The following HDAC6 variants were observed in gnomAD, a reference collection of about 807,000 sequenced individuals.
HDAC6 encodes the protein histone deacetylase 6.
Under a neutral mutation model 88.9 loss-of-function variants are expected in HDAC6, and 5 were observed. The ratio of observed to expected loss-of-function variants is 0.06; its 90% CI spans 0.03 to 0.12. HDAC6 has a LOEUF of 0.12. Among genes scored for constraint, HDAC6 ranks in the 10% least tolerant of loss-of-function variants. The pLI, the probability that HDAC6 is intolerant of heterozygous loss-of-function variation, is 1.00. For missense variants in HDAC6, 706 were observed against 1,014.4 expected (o/e 0.70, Z 4.13); for synonymous variants, 378 against 398.0 (o/e 0.95, Z 0.60).
At position 48,815,398 on chromosome X, in the gene HDAC6, C is replaced by T. The variant is rs2062967857; in HGVS notation, c.1164C>T (p.Leu388=). Residue 388 remains leucine, a synonymous_variant, in exon 15 of 29, where the codon CTC becomes CTT. Transcript: ENST00000334136. ...CCTTGCCCCAGGGTGGCTACAACCT[C>T]CGCGCCCTGGCTGAAGGCGTCAGTG... The part of the protein sequence containing the change: ...LILSLEGGYN[L]RALAEGVSAS... 8.3e-7 allele frequency: 1 copy of T among 1,201,143 alleles called. No homozygotes were observed. Among genetic ancestry groups the T allele is most frequent in the Non-Finnish European group, 1.1e-6 (1 of 889,605 alleles).
At chrX:48,821,602 G>T (rs782557076) in intron 23 of HDAC6, among the ~76,000 whole-genome samples, 10 of 103,173 alleles carry the variant, frequency 9.7e-5, no homozygotes, top group African/African-American at 3.6e-4. Flanking sequence ...TCCCAGGCTC[G>T]AGCAAGCAAT....
chrX:48,818,009 C>T (rs1476319760), intron 20 of HDAC6, 32 bp from the exon 21 acceptor site: 7 of 1,156,549 alleles, frequency 6.1e-6, no homozygotes, highest in Middle Eastern at 3.3e-4. Context: ...GCGTGAGTAT[C>T]GTCGGTTACT....
At position 48,822,615 on chromosome X, in the gene HDAC6, C is replaced by T; in HGVS notation, c.2338-5C>T. The T allele has an allele frequency of 8.6e-7, 1 of 1,157,242 alleles. No homozygotes were observed. The highest frequency in any genetic ancestry group is 1.2e-6 in the Non-Finnish European group (1 of 865,286). ...TACCTTTCCCTCCCCTTTTCCTTAACAAAGGGTGGCTATAACCTGACATCC... is the reference window on the plus strand; with the variant it reads ...TACCTTTCCCTCCCCTTTTCCTTAATAAAGGGTGGCTATAACCTGACATCC... On this transcript the variant is annotated splice_polypyrimidine_tract_variant and splice_region_variant and intron_variant, in intron 23 of 28. Coordinates refer to ENST00000334136, the MANE Select transcript of HDAC6 (RefSeq NM_006044.4).
At chrX:48,816,954 A>C (rs1347656178) in intron 19 of HDAC6, 1 of 110,474 alleles carries the variant, frequency 9.1e-6, no homozygotes, top group Non-Finnish European at 1.8e-5. Context: ...ACCCTGTGTC[A>C]AAAAAAAAAA....
At chrX:48,812,925 T>G (rs2062923577) in intron 10 of HDAC6, among the ~76,000 whole-genome samples, 1 of 111,489 alleles carries the variant, frequency 9.0e-6, no homozygotes, top group Admixed American at 9.5e-5. Context: ...TCTTTTTTTT[T>G]GAGACAGAGT....
intron 20 of HDAC6, 29 bp from the exon 21 acceptor site, chrX:48,818,012 C>CG: frequency 8.6e-7 from 1 of 1,164,315 alleles, no homozygotes; most frequent in Admixed American, 2.5e-5. Flanking sequence ...TGAGTATCGT[C>CG]GGTTACTGAG....
chrX:48,813,505 A>T (rs1375186194), intron 10 of HDAC6: 11 of 111,926 alleles, frequency 9.8e-5, no homozygotes, highest in African/African-American at 2.9e-4. Flanking sequence ...GCATTTCCCT[A>T]AAAAAGCTGC....
intron 23 of HDAC6, among the ~76,000 whole-genome samples, chrX:48,822,402 C>T (rs2063098173): frequency 8.9e-6 from 1 of 111,811 alleles, no homozygotes; most frequent in Non-Finnish European, 1.9e-5. Flanking sequence ...TGTTATCTTG[C>T]ACTTTACATC....
rs1287952149 is a variant in HDAC6, at chrX:48,815,651, T to C, written c.1324+9T>C. The C allele has an allele frequency of 1.3e-5, 15 of 1,196,748 alleles. No individual in the cohort carries two copies. Among genetic ancestry groups the C allele is most frequent in the Non-Finnish European group, 1.6e-5 (14 of 883,602 alleles). ...GGTTCTTGTGAGATCAAGTAGGAAG[T>C]GGGGTGTGGGCCTGGTGTGGGGTGG... is the stretch of plus-strand genomic sequence containing the variant. On this transcript the variant is annotated intron_variant, in intron 16 of 28. Coordinates refer to ENST00000334136, the MANE Select transcript of HDAC6 (RefSeq NM_006044.4).
rs2063113295 is a variant in HDAC6 at position 48,823,236 on chromosome X, C to G, written c.2837C>G (p.Ala946Gly). Residue 946 changes from alanine (A) to glycine (G), a missense_variant, in exon 25 of 29, where the codon GCC becomes GGC. Coordinates refer to ENST00000334136, the MANE Select transcript of HDAC6 (RefSeq NM_006044.4). ...ACCTCAGAGGAGGCTGTCGGGGGAG[C>G]CACTCCGGACCAGACCACCTCAGAG... ...QTTSEEAVGG[A>G]TPDQTTSEET... is the part of the protein sequence containing the mutation. The G allele has an allele frequency of 1.1e-5, 13 of 1,200,841 alleles. No homozygotes were observed. Among genetic ancestry groups the G allele is most frequent in the Non-Finnish European group, 1.5e-5 (13 of 889,901 alleles).
At chrX:48,801,425 G>A (rs1003095967), upstream of HDAC6, 1 of 117,146 alleles carries the variant, frequency 8.5e-6, no homozygotes, top group African/African-American at 3.2e-5. Context: ...GAAGTCGCGG[G>A]GAAAAGGTAA....
In HDAC6 at chrX:48,802,152, C is replaced by G; in HGVS notation, c.-31+10C>G. On this transcript the variant is annotated intron_variant, in intron 1 of 28. Transcript: ENST00000334136. ...TCTGGCGGAGTGGAAGGTACCGGTCCGGCCCGATAAGGGGTGGAGTTAAGT... is the reference window on the plus strand; with the variant it reads ...TCTGGCGGAGTGGAAGGTACCGGTCGGGCCCGATAAGGGGTGGAGTTAAGT... 1.1e-6 allele frequency: 1 copy of G among 880,379 alleles called. No individual in the cohort carries two copies. Among genetic ancestry groups the G allele is most frequent in the South Asian group, 2.7e-5 (1 of 36,669 alleles). The allele number at this position is 880,379 out of a possible 1,213,427, so 72.6% of individuals were successfully genotyped here.
intron 19 of HDAC6, chrX:48,816,840 G>A (rs1310297905): frequency 1.9e-5 from 8 of 415,001 alleles, no homozygotes; most frequent in Non-Finnish European, 3.3e-5. Flanking sequence ...AGTGGCTCAC[G>A]TCTGTAATCC....
In HDAC6 at chrX:48,823,237, C is replaced by T. The variant is rs1557030817; in HGVS notation, c.2838C>T (p.Ala946=). 2 of 1,200,726 alleles carry T rather than the reference C, an allele frequency of 1.7e-6. No individual in the cohort carries two copies. The highest frequency in any genetic ancestry group is 2.2e-6 in the Non-Finnish European group (2 of 889,955). Reference sequence around the variant, plus strand: ...CCTCAGAGGAGGCTGTCGGGGGAGCCACTCCGGACCAGACCACCTCAGAGG... The same window carrying T: ...CCTCAGAGGAGGCTGTCGGGGGAGCTACTCCGGACCAGACCACCTCAGAGG... ...QTTSEEAVGG[A]TPDQTTSEET... is the part of the protein sequence containing the mutation. Residue 946 remains alanine (A), a synonymous_variant, in exon 25 of 29, where the codon GCC becomes GCT. Transcript: ENST00000334136.
chrX:48,805,525 A>G lies in HDAC6; in HGVS notation c.396+3A>G, dbSNP rs1557023922. On this transcript the variant is annotated splice_donor_region_variant and intron_variant, in intron 5 of 28. Coordinates refer to ENST00000334136, the MANE Select transcript of HDAC6 (RefSeq NM_006044.4). ...TAGATCGCTGCGTGTCCTTTCAGGT[A>G]AGGCCCCCAAGCCAACACTCTGGGT... The G allele has an allele frequency of 8.3e-7, 1 of 1,201,073 alleles. No individual in the cohort carries two copies. Among genetic ancestry groups the G allele is most frequent in the Non-Finnish European group, 1.1e-6 (1 of 888,598 alleles).
At position 48,824,598 on chromosome X, in the gene HDAC6, C is replaced by T. The variant is rs1557031823; in HGVS notation, c.3634C>T (p.Pro1212Ser). 8.3e-7 allele frequency: 1 copy of T among 1,209,959 alleles called. No homozygotes were observed. The highest frequency in any genetic ancestry group is 1.1e-6 in the Non-Finnish European group (1 of 894,588). The change falls in exon 29 of 29, where the codon CCC becomes TCC. Residue 1212 changes from proline (P) to serine (S), a missense_variant. Physicochemically the swap from Pro to Ser is moderately conservative, Grantham distance 74. This residue lies in a region of HDAC6 where 36 missense variants were observed against 35.5 expected (regional missense o/e 1.01). Transcript: ENST00000334136. ...AHQNKFGEDM[P>S]HPH Reference sequence around the variant, plus strand: ...CCAGAACAAGTTTGGGGAGGATATGCCCCACCCACACTAAGCCCCAGAATA... The same window carrying T: ...CCAGAACAAGTTTGGGGAGGATATGTCCCACCCACACTAAGCCCCAGAATA...
In HDAC6 at chrX:48,816,281, G is replaced by A. The variant is rs782053378; in HGVS notation, c.1622+12G>A. 1.7e-6 allele frequency: 2 copies of A among 1,203,012 alleles called. No individual in the cohort carries two copies. The highest frequency in any genetic ancestry group is 1.1e-6 in the Non-Finnish European group (1 of 890,237). ...CTCACCTGTCACAGGTCAGACCCCG[G>A]TGCCTGGGGTGGGTGGATTCCCAGG... On this transcript the variant is annotated intron_variant, in intron 18 of 28. Transcript: ENST00000334136.
rs1369264551 is a variant in HDAC6 at position 48,816,320 on chromosome X, T to G, written c.1622+51T>G. ...TGGATTCCCAGGACTGTGGATGAGG[T>G]CTCAGGGGCTGGAACTTGGGTTTCC... On this transcript the variant is annotated intron_variant, in intron 18 of 28. Transcript: ENST00000334136. 16 of 1,167,916 alleles carry G rather than the reference T, an allele frequency of 1.4e-5. No individual in the cohort carries two copies. The African/African-American group carries it at 2.5e-4, about 18-fold the overall frequency.
chrX:48,824,601 C>T lies in HDAC6; in HGVS notation c.3637C>T (p.His1213Tyr). ...GAACAAGTTTGGGGAGGATATGCCC[C>T]ACCCACACTAAGCCCCAGAATACGG... ...HQNKFGEDMP[H>Y]PH The change falls in exon 29 of 29, where the codon CAC (histidine) becomes TAC (tyrosine). Residue 1213 changes from histidine (H) to tyrosine (Y), a missense_variant. This residue lies in a region of HDAC6 where 36 missense variants were observed against 35.5 expected (regional missense o/e 1.01). Transcript: ENST00000334136. The T allele has an allele frequency of 3.3e-6, 4 of 1,210,415 alleles. No individual in the cohort carries two copies. Among genetic ancestry groups the T allele is most frequent in the Non-Finnish European group, 4.5e-6 (4 of 894,832 alleles).
Sources: gnomAD v4.1 joint callset for allele counts (sites outside exome capture counted in the v4.1 genomes callset) on GRCh38, gnomAD v4.1.1 for gene constraint, gnomAD v4.1.1 regional missense constraint, MANE v1.5 for transcripts, NCBI Gene and HGNC (gene_info 2026-07-23, HGNC 2026-07-21) for gene names.